C2orf76: variants seen among roughly 807,000 people sequenced by gnomAD.
The protein encoded by C2orf76 is UPF0538 protein C2orf76.
Under a neutral mutation model 16.9 loss-of-function variants are expected in C2orf76, and 23 were observed. The observed-to-expected ratio is 1.36, with a 90% confidence interval of 0.98 to 1.93. C2orf76 has a LOEUF of 1.93. Among genes scored for constraint, C2orf76 ranks in the 30% most tolerant of loss-of-function variants. The pLI, the probability that C2orf76 is intolerant of heterozygous loss-of-function variation, is 0.00. For missense variants in C2orf76, 152 were observed against 152.6 expected (o/e 1.00, Z 0.02); for synonymous variants, 48 against 52.3 (o/e 0.92, Z 0.35).
chr2:119,347,072 T>G (rs1432365145), intron 1 of C2orf76, among the ~76,000 whole-genome samples: 1 of 152,196 alleles, frequency 6.6e-6, no homozygotes, highest in Non-Finnish European at 1.5e-5. Flanking sequence ...GTTAAAACCA[T>G]CAGGTAAGAC....
intron 1 of C2orf76, among the ~76,000 whole-genome samples, chr2:119,357,358 C>T (rs1680603145): frequency 6.6e-6 from 1 of 151,998 alleles, no homozygotes; most frequent in Admixed American, 6.6e-5. Context: ...TAATTATACA[C>T]CCTGACCAAG....
At chr2:119,344,315 T>C (rs997129062) in intron 1 of C2orf76, among the ~76,000 whole-genome samples, 3 of 152,208 alleles carry the variant, frequency 2.0e-5, no homozygotes, top group Non-Finnish European at 2.9e-5. Context: ...AAATCTGACA[T>C]TTTTCCCAGA....
intron 4 of C2orf76, among the ~76,000 whole-genome samples, chr2:119,314,176 G>T (rs1679090835): frequency 6.6e-6 from 1 of 151,758 alleles, no homozygotes; most frequent in African/African-American, 2.4e-5. Context: ...TAAATTCCCT[G>T]TTCTCTTCAA....
intron 5 of C2orf76, among the ~76,000 whole-genome samples, chr2:119,306,356 AGTTGGG>A (rs1558774797): frequency 2.6e-5 from 4 of 152,126 alleles, no homozygotes; most frequent in Admixed American, 6.5e-5. Flanking sequence ...ACAGGGTTCC[AGTTGGG>A]GGCAGATGAC....
chr2:119,297,386 CTA>C (rs1338051864), downstream of C2orf76, among the ~76,000 whole-genome samples: 3 of 152,142 alleles, frequency 2.0e-5, no homozygotes, highest in Non-Finnish European at 4.4e-5. Flanking sequence ...AAATGCATAC[CTA>C]TATGTTTAAA....
chr2:119,284,681 G>GTT, the C2orf76 span, among the ~76,000 whole-genome samples: 26 of 133,768 alleles, frequency 1.9e-4, no homozygotes, highest in African/African-American at 4.6e-4. Flanking sequence ...TGGGATTTTG[G>GTT]TTTTTTTTTT....
At chr2:119,294,906 G>A in the C2orf76 span, among the ~76,000 whole-genome samples, 1 of 152,150 alleles carries the variant, frequency 6.6e-6, no homozygotes, top group Non-Finnish European at 1.5e-5. Flanking sequence ...AGAGATTGAT[G>A]AGAAGGCATA....
the C2orf76 span, among the ~76,000 whole-genome samples, chr2:119,284,266 C>T: frequency 2.1e-4 from 32 of 152,114 alleles, no homozygotes; most frequent in Admixed American, 3.3e-4. Flanking sequence ...TGAGCCATGC[C>T]GCAGACAGGC....
chr2:119,284,099 T>C, the C2orf76 span, among the ~76,000 whole-genome samples: 2 of 152,190 alleles, frequency 1.3e-5, no homozygotes, highest in Non-Finnish European at 2.9e-5. Context: ...CCACACCCTT[T>C]TCTCATTCCC....
intron 1 of C2orf76, among the ~76,000 whole-genome samples, chr2:119,348,955 C>G (rs1283276966): frequency 6.6e-6 from 1 of 152,242 alleles, no homozygotes; most frequent in African/African-American, 2.4e-5. Context: ...CCACTGCACT[C>G]CAGCCTGGGA....
chr2:119,335,486 G>A (rs1317591179), intron 2 of C2orf76, among the ~76,000 whole-genome samples: 1 of 152,206 alleles, frequency 6.6e-6, no homozygotes, highest in Non-Finnish European at 1.5e-5. Flanking sequence ...TATGTCAGAG[G>A]AGCACAGAAG....
At chr2:119,354,553 A>G (rs868705911) in intron 1 of C2orf76, among the ~76,000 whole-genome samples, 7 of 152,146 alleles carry the variant, frequency 4.6e-5, no homozygotes, top group Non-Finnish European at 8.8e-5. Context: ...AAAAAACCCT[A>G]CATTTATAAA....
At chr2:119,307,128 G>C (rs978635129) in intron 5 of C2orf76, among the ~76,000 whole-genome samples, 1 of 151,934 alleles carries the variant, frequency 6.6e-6, no homozygotes, top group Non-Finnish European at 1.5e-5. Flanking sequence ...CTGAGGGAGG[G>C]AAAATTCCCT....
chr2:119,331,008 G>C (rs58671646), intron 2 of C2orf76, among the ~76,000 whole-genome samples: 28,074 of 151,856 alleles, frequency 0.18, 2,818 homozygotes, highest in East Asian at 0.22. Flanking sequence ...CAATATTTCT[G>C]GGTTGGTTTC....
chr2:119,311,483 C>G, intron 5 of C2orf76, 139 bp downstream of exon 5: 1 of 1,436,030 alleles, frequency 7.0e-7, no homozygotes, highest in South Asian at 1.5e-5. Context: ...CATCCTCCTC[C>G]TCTGAACAGT....
At chr2:119,327,196 C>T (rs1193282676) in intron 2 of C2orf76, among the ~76,000 whole-genome samples, 1 of 152,164 alleles carries the variant, frequency 6.6e-6, no homozygotes, top group Non-Finnish European at 1.5e-5. Flanking sequence ...GTTTTTCATA[C>T]TCTTCATCAG....
intron 2 of C2orf76, among the ~76,000 whole-genome samples, chr2:119,337,643 T>G (rs1679892180): frequency 6.6e-6 from 1 of 152,090 alleles, no homozygotes; most frequent in African/African-American, 2.4e-5. Context: ...TCAAATCAGA[T>G]GACAAAGATA....
At chr2:119,330,786 T>A (rs1679653849) in intron 2 of C2orf76, among the ~76,000 whole-genome samples, 1 of 124,730 alleles carries the variant, frequency 8.0e-6, no homozygotes, top group Non-Finnish European at 1.7e-5. Context: ...TTTGTTGCTA[T>A]GTTTTCAAGT....
the C2orf76 span, among the ~76,000 whole-genome samples, chr2:119,296,217 C>A: frequency 1.8e-3 from 270 of 152,262 alleles, 7 homozygotes; most frequent in South Asian, 0.011. Flanking sequence ...CTTTCCAGGC[C>A]TGCAGACAGA....
Sources: gnomAD v4.1 joint callset for allele counts (sites outside exome capture counted in the v4.1 genomes callset) on GRCh38, gnomAD v4.1.1 for gene constraint, MANE v1.5 for transcripts, NCBI Gene and HGNC (gene_info 2026-07-23, HGNC 2026-07-21) for gene names.